Variants in STK24 observed in about 807,000 individuals in gnomAD.
STK24 encodes the protein serine/threonine kinase 24.
A neutral mutation model predicts 55.6 loss-of-function variants in STK24; 21 were observed. That is an observed-to-expected ratio of 0.38 (90% CI 0.27 to 0.54). The LOEUF is 0.54. Ranked by LOEUF, STK24 falls within the 20% of genes least tolerant of loss-of-function variation. The pLI, the probability that STK24 is intolerant of heterozygous loss-of-function variation, is 0.79. For missense variants in STK24, 383 were observed against 538.4 expected, an observed-to-expected ratio of 0.71 and a Z score of 2.86; for synonymous variants, 200 against 215.2, an observed-to-expected ratio of 0.93 and a Z score of 0.62.
intron 1 of STK24, among the ~76,000 whole-genome samples, chr13:98,559,782 G>T (rs1487791968): frequency 6.6e-6 from 1 of 151,086 alleles, no homozygotes; most frequent in Non-Finnish European, 1.5e-5. Context: ...TGAACAAAGA[G>T]AAAAAGCAAA....
Position 98,452,073 on chromosome 13 carries a change from C to T in STK24, c.*1100G>A, listed in dbSNP as rs1454367767. ...CTTCCAAAGTGTCTCATCACACACA[C>T]ACAGCCACGAGTACACACGCACGGC... On this transcript the variant is annotated 3_prime_UTR_variant, in exon 11 of 11. Transcript: ENST00000539966. 1 of 152,284 alleles carries T rather than the reference C, an allele frequency of 6.6e-6. No homozygotes were observed. The highest frequency in any genetic ancestry group is 1.5e-5 in the Non-Finnish European group (1 of 68,110). The allele number at this position is 152,284 out of a possible 1,614,324, so 9.4% of individuals were successfully genotyped here. A position where few individuals can be genotyped will look rare whatever the true frequency, so the allele number is the denominator to read the frequency against.
intron 3 of STK24, among the ~76,000 whole-genome samples, chr13:98,481,779 C>T (rs960523585): frequency 4.6e-5 from 7 of 152,068 alleles, no homozygotes; most frequent in African/African-American, 7.2e-5. Context: ...CATGAGCCAC[C>T]GCACCTGGCC....
intron 1 of STK24, among the ~76,000 whole-genome samples, chr13:98,560,607 G>A (rs1179631244): frequency 4.6e-5 from 7 of 152,074 alleles, no homozygotes; most frequent in Non-Finnish European, 8.8e-5. Flanking sequence ...GGCCAGGCGC[G>A]GTGGCTCACA....
chr13:98,450,340 A>C lies in STK24; in HGVS notation c.*2833T>G, dbSNP rs1445651261. 6.6e-6 allele frequency: 1 copy of C among 152,256 alleles called. No individual in the cohort carries two copies. Among genetic ancestry groups the C allele is most frequent in the East Asian group, 1.9e-4 (1 of 5,200 alleles). 9.4% of individuals were successfully genotyped at this position (152,256 alleles called of 1,614,324 possible). A position where few individuals can be genotyped will look rare whatever the true frequency, so the allele number is the denominator to read the frequency against. Reference sequence around the variant, plus strand: ...TGTTTTTAAAGGAGGGAAATATAAAAAATGTTTATAAACTGACAGTGTTTT... The same window carrying C: ...TGTTTTTAAAGGAGGGAAATATAAACAATGTTTATAAACTGACAGTGTTTT... On this transcript the variant is annotated 3_prime_UTR_variant, in exon 11 of 11. Transcript: ENST00000539966.
intron 1 of STK24, among the ~76,000 whole-genome samples, chr13:98,521,124 T>C (rs1265910269): frequency 6.6e-6 from 1 of 152,180 alleles, no homozygotes; most frequent in East Asian, 1.9e-4. Context: ...GGCCAGGGAT[T>C]ACAAGGACTA....
intron 1 of STK24, among the ~76,000 whole-genome samples, chr13:98,550,016 ATCTCAC>A: frequency 6.6e-6 from 1 of 152,316 alleles, no homozygotes; most frequent in South Asian, 2.1e-4. Flanking sequence ...TTCCACAAGA[ATCTCAC>A]TTCCACAGGT....
At chr13:98,494,412 CA>C (rs1162677599) in intron 2 of STK24, among the ~76,000 whole-genome samples, 58 of 66,726 alleles carry the variant, frequency 8.7e-4, no homozygotes, top group African/African-American at 2.1e-3. Flanking sequence ...AGACTCGTCT[CA>C]AAAAAAAAAA....
At chr13:98,566,583 T>C (rs892995348) in intron 1 of STK24, among the ~76,000 whole-genome samples, 2 of 152,202 alleles carry the variant, frequency 1.3e-5, no homozygotes, top group African/African-American at 4.8e-5. Flanking sequence ...GGCCTGGCCC[T>C]CACTGAAGAA....
chr13:98,478,477 A>G (rs577628712), intron 3 of STK24, among the ~76,000 whole-genome samples: 2 of 152,302 alleles, frequency 1.3e-5, no homozygotes, highest in East Asian at 3.9e-4. Flanking sequence ...GCAGTGGGAG[A>G]GGACAATGGC....
chr13:98,548,159 T>TA (rs1897073041), intron 1 of STK24, among the ~76,000 whole-genome samples: 1 of 152,182 alleles, frequency 6.6e-6, no homozygotes, highest in African/African-American at 2.4e-5. Context: ...TACTCACCTG[T>TA]AAAAAATACA....
rs78826448 is a variant in STK24 at position 98,492,018 on chromosome 13, T to C, written c.274-9697A>G. ...TTTACTCAAGAAAGAATAAAAACTA[T>C]AGGCAGAAAAGGGTGGGTGAAGAAA... On this transcript the variant is annotated intron_variant, in intron 2 of 10. Coordinates refer to ENST00000539966, the MANE Select transcript of STK24 (RefSeq NM_001032296.4). Among the ~76,000 whole-genome samples the C allele has an allele frequency of 2.4e-4, 37 of 152,084 alleles. 2 individuals are homozygous for C. The East Asian group carries it at 6.8e-3, about 28-fold the overall frequency.
chr13:98,574,749 C>T (rs748335238), intron 1 of STK24, among the ~76,000 whole-genome samples: 9 of 152,004 alleles, frequency 5.9e-5, no homozygotes, highest in Non-Finnish European at 1.2e-4. Context: ...AAAAACAGTT[C>T]CCATGTAACA....
At chr13:98,464,410 C>T (rs1446997485) in intron 6 of STK24, among the ~76,000 whole-genome samples, 1 of 151,100 alleles carries the variant, frequency 6.6e-6, no homozygotes, top group African/African-American at 2.4e-5. Flanking sequence ...CAGAGCAAGA[C>T]TCTGTCTCAA....
chr13:98,549,425 T>C (rs1264004842), intron 1 of STK24, among the ~76,000 whole-genome samples: 6 of 152,162 alleles, frequency 3.9e-5, no homozygotes, highest in Non-Finnish European at 8.8e-5. Context: ...GGAGGTCCCC[T>C]TCAAACTGCA....
chr13:98,494,193 C>A (rs1481410928), intron 2 of STK24, among the ~76,000 whole-genome samples: 1 of 144,870 alleles, frequency 6.9e-6, no homozygotes, highest in Non-Finnish European at 1.5e-5. Context: ...GGGTGGATCA[C>A]GAGGTCAGGA....
intron 1 of STK24, among the ~76,000 whole-genome samples, chr13:98,528,945 G>T (rs958954317): frequency 6.6e-6 from 1 of 152,106 alleles, no homozygotes; most frequent in African/African-American, 2.4e-5. Context: ...CTGCAGGCAC[G>T]GACTCTCACC....
chr13:98,568,114 A>C (rs1897636895), intron 1 of STK24, among the ~76,000 whole-genome samples: 1 of 151,908 alleles, frequency 6.6e-6, no homozygotes, highest in South Asian at 2.1e-4. Context: ...ATTCTGCCTC[A>C]GCCTGCCAAG....
At chr13:98,474,079 C>T (rs9517321) in intron 5 of STK24, among the ~76,000 whole-genome samples, 43,805 of 152,026 alleles carry the variant, frequency 0.29, 6,459 homozygotes, top group African/African-American at 0.33. Flanking sequence ...GAAGAGCAGA[C>T]TGTGCGAACT....
intron 2 of STK24, among the ~76,000 whole-genome samples, chr13:98,512,762 T>C (rs1895928982): frequency 6.6e-6 from 1 of 152,164 alleles, no homozygotes; most frequent in Non-Finnish European, 1.5e-5. Context: ...CACAGCCCCA[T>C]TCCGGATGTA....
Sources: allele counts gnomAD v4.1 joint callset (sites outside exome capture counted in the v4.1 genomes callset), GRCh38; gene constraint gnomAD v4.1.1; transcripts MANE v1.5; gene names NCBI Gene and HGNC (gene_info 2026-07-23, HGNC 2026-07-21).